The following LY96 variants were observed in gnomAD, a reference collection of about 807,000 sequenced individuals.
The protein encoded by LY96 is lymphocyte antigen 96.
Under a neutral mutation model 18.9 loss-of-function variants are expected in LY96, and 18 were observed. That is an observed-to-expected ratio of 0.95 (90% confidence interval 0.66 to 1.41). LY96 has a LOEUF of 1.41. LY96 is among the 40% of genes most tolerant of loss of function. The probability of loss-of-function intolerance (pLI) is 0.00; values close to 1 mark genes in which losing one functional copy is unlikely to be tolerated. For synonymous variants in LY96, 66 were observed against 62.6 expected (o/e 1.06, Z -0.26); for missense variants, 175 against 182.4 (o/e 0.96, Z 0.23).
chr8:74,019,489 G>T (rs532688743), intron 3 of LY96, among the ~76,000 whole-genome samples: 39 of 152,216 alleles, frequency 2.6e-4, no homozygotes, highest in African/African-American at 9.2e-4. Context: ...TCTACCAGAG[G>T]TACAAAAAGG....
chr8:74,047,051 G>A, the LY96 span, among the ~76,000 whole-genome samples: 20 of 152,014 alleles, frequency 1.3e-4, no homozygotes, highest in Admixed American at 7.2e-4. Flanking sequence ...ACAGGCACAC[G>A]CCACCACACC....
intron 1 of LY96, among the ~76,000 whole-genome samples, chr8:73,993,242 A>C (rs903648219): frequency 3.3e-5 from 5 of 151,784 alleles, no homozygotes; most frequent in Non-Finnish European, 5.9e-5. Context: ...ACAATAACTC[A>C]ATTTGTCTTT....
At chr8:74,054,419 A>T in the LY96 span, among the ~76,000 whole-genome samples, 1 of 152,162 alleles carries the variant, frequency 6.6e-6, no homozygotes, top group Admixed American at 6.5e-5. Flanking sequence ...TGCAAGTGGT[A>T]GGGCAGGCTT....
the LY96 span, among the ~76,000 whole-genome samples, chr8:74,064,982 A>G: frequency 1.3e-5 from 2 of 152,296 alleles, no homozygotes; most frequent in East Asian, 3.9e-4. Context: ...GTAAACCAAA[A>G]ACAAAATTCT....
intron 3 of LY96, among the ~76,000 whole-genome samples, chr8:74,013,656 G>C (rs1816578139): frequency 1.3e-5 from 2 of 152,100 alleles, no homozygotes; most frequent in African/African-American, 4.8e-5. Flanking sequence ...GCCTTCAATA[G>C]AGTATTTTAT....
chr8:73,996,377 CT>C (rs1816138531), intron 1 of LY96, among the ~76,000 whole-genome samples: 2 of 30,224 alleles, frequency 6.6e-5, no homozygotes, highest in African/African-American at 2.2e-4. Flanking sequence ...TCATTCCTTT[CT>C]TTCTTTCTTT....
chr8:74,060,473 G>C, the LY96 span, among the ~76,000 whole-genome samples: 1 of 152,192 alleles, frequency 6.6e-6, no homozygotes, highest in Admixed American at 6.5e-5. Context: ...ATTTTTCCTT[G>C]TTGAACACCT....
At chr8:74,011,073 C>T (rs555190462) in intron 3 of LY96, among the ~76,000 whole-genome samples, 19 of 152,260 alleles carry the variant, frequency 1.2e-4, no homozygotes, top group East Asian at 9.6e-4. Context: ...CCATAAACAT[C>T]TATTGAACCT....
chr8:74,047,693 A>G, the LY96 span, among the ~76,000 whole-genome samples: 1 of 152,164 alleles, frequency 6.6e-6, no homozygotes, highest in East Asian at 1.9e-4. Context: ...GAGTTTTCAC[A>G]TCTCTAAAAT....
the LY96 span, among the ~76,000 whole-genome samples, chr8:74,091,300 G>T: frequency 2.6e-5 from 4 of 152,194 alleles, no homozygotes; most frequent in Non-Finnish European, 5.9e-5. Context: ...TTGCAAGATT[G>T]CATCTCTTGG....
the LY96 span, among the ~76,000 whole-genome samples, chr8:74,047,590 G>C: frequency 3.3e-5 from 5 of 152,196 alleles, no homozygotes; most frequent in Admixed American, 6.5e-5. Context: ...GCAATGCCAG[G>C]GGACTGGTAA....
chr8:73,996,377 CTTTCTTTCTTTCTTTCTTT>C (rs1816139083), intron 1 of LY96, among the ~76,000 whole-genome samples: 44 of 30,232 alleles, frequency 1.5e-3, no homozygotes, highest in African/African-American at 4.2e-3. Context: ...TCATTCCTTT[CTTTCTTTCTTTCTTTCTTT>C]CTTTCTTTCT....
At chr8:73,997,053 T>G (rs776756033) in intron 1 of LY96, among the ~76,000 whole-genome samples, 16 of 152,106 alleles carry the variant, frequency 1.1e-4, no homozygotes, top group Non-Finnish European at 1.9e-4. Context: ...TCTGTATTTT[T>G]TTAGTAGAGA....
the LY96 span, among the ~76,000 whole-genome samples, chr8:74,061,680 A>G: frequency 2.4e-3 from 360 of 152,328 alleles, 1 homozygote; most frequent in African/African-American, 8.3e-3. Flanking sequence ...TTATAGAATA[A>G]TGGGCAGCAC....
intron 3 of LY96, among the ~76,000 whole-genome samples, chr8:74,015,638 A>G (rs1186226544): frequency 1.3e-5 from 2 of 152,196 alleles, no homozygotes; most frequent in Non-Finnish European, 2.9e-5. Flanking sequence ...ACTGGAGGTT[A>G]GGGCTTCAAC....
intron 4 of LY96, among the ~76,000 whole-genome samples, chr8:74,027,942 A>G (rs1484485251): frequency 6.6e-6 from 1 of 152,192 alleles, no homozygotes; most frequent in African/African-American, 2.4e-5. Flanking sequence ...TCAGACCCCC[A>G]GTAAACTTGG....
At chr8:74,096,984 G>T in the LY96 span, among the ~76,000 whole-genome samples, 2 of 152,188 alleles carry the variant, frequency 1.3e-5, no homozygotes, top group Admixed American at 6.5e-5. Flanking sequence ...TGACTTGGGT[G>T]GTTCCTACTT....
chr8:74,070,316 C>T, the LY96 span, among the ~76,000 whole-genome samples: 2 of 152,138 alleles, frequency 1.3e-5, no homozygotes, highest in Non-Finnish European at 2.9e-5. Context: ...CGGTCTCAAT[C>T]TCCTGACCTC....
At chr8:74,063,635 T>C in the LY96 span, among the ~76,000 whole-genome samples, 1 of 152,158 alleles carries the variant, frequency 6.6e-6, no homozygotes, top group Non-Finnish European at 1.5e-5. Flanking sequence ...AGTTTTTCTA[T>C]ACATGATTAT....
Sources: gnomAD v4.1 joint callset for allele counts (sites outside exome capture counted in the v4.1 genomes callset) on GRCh38, gnomAD v4.1.1 for gene constraint, MANE v1.5 for transcripts, NCBI Gene and HGNC (gene_info 2026-07-23, HGNC 2026-07-21) for gene names.